The following FBXO15 variants were observed in gnomAD, a reference collection of about 807,000 sequenced individuals.
FBXO15 encodes F-box only protein 15.
A neutral mutation model predicts 49.5 loss-of-function variants in FBXO15; 30 were observed. That is an observed-to-expected ratio of 0.61 (90% CI 0.45 to 0.82). The LOEUF (loss-of-function observed/expected upper bound fraction) is 0.82. Ranked by LOEUF, FBXO15 falls within the 40% of genes least tolerant of loss-of-function variation. The pLI is 0.00. For synonymous variants in FBXO15, 250 were observed against 232.7 expected, an observed-to-expected ratio of 1.07 and a Z score of -0.68; for missense variants, 591 against 631.5, an observed-to-expected ratio of 0.94 and a Z score of 0.69.
At chr18:74,104,291 TTAAC>T (rs1435442497) in intron 8 of FBXO15, among the ~76,000 whole-genome samples, 10 of 151,994 alleles carry the variant, frequency 6.6e-5, no homozygotes, top group Non-Finnish European at 1.2e-4. Flanking sequence ...TATTAATAGA[TTAAC>T]TAAAAATAAA....
intron 3 of FBXO15, among the ~76,000 whole-genome samples, chr18:74,133,628 C>A (rs1376143747): frequency 6.6e-6 from 1 of 152,150 alleles, no homozygotes; most frequent in East Asian, 1.9e-4. Flanking sequence ...GCTGGGTAAT[C>A]TGCAAAGGAA....
At chr18:74,139,613 G>A (rs745791981) in intron 2 of FBXO15, among the ~76,000 whole-genome samples, 2 of 152,204 alleles carry the variant, frequency 1.3e-5, no homozygotes, top group African/African-American at 2.4e-5. Context: ...TGCAGACTAC[G>A]TGGGCCTAGC....
intron 8 of FBXO15, among the ~76,000 whole-genome samples, chr18:74,108,263 A>T (rs1400989083): frequency 6.6e-6 from 1 of 152,200 alleles, no homozygotes; most frequent in East Asian, 1.9e-4. Context: ...ACTATGATTA[A>T]CAGACTAAGG....
chr18:74,128,878 A>G (rs1395010453), intron 5 of FBXO15, among the ~76,000 whole-genome samples: 1 of 152,236 alleles, frequency 6.6e-6, no homozygotes, highest in Non-Finnish European at 1.5e-5. Flanking sequence ...GATCTTATTC[A>G]TTGCAGTCAT....
At chr18:74,108,605 A>G (rs143835515) in intron 8 of FBXO15, among the ~76,000 whole-genome samples, 33 of 152,292 alleles carry the variant, frequency 2.2e-4, no homozygotes, top group African/African-American at 7.2e-4. Flanking sequence ...AAATACCATA[A>G]TAAGAAGAAA....
intron 8 of FBXO15, among the ~76,000 whole-genome samples, chr18:74,092,985 C>T (rs1402331975): frequency 6.6e-6 from 1 of 152,134 alleles, no homozygotes; most frequent in Non-Finnish European, 1.5e-5. Context: ...ACATTCACAC[C>T]CACAGCTGTG....
intron 6 of FBXO15, 78 bp from the exon 7 acceptor site, chr18:74,124,649 G>A (rs1914625228): frequency 2.4e-6 from 3 of 1,260,960 alleles, no homozygotes; most frequent in South Asian, 1.2e-5. Flanking sequence ...GAAGATCACA[G>A]CACATTCATC....
intron 2 of FBXO15, among the ~76,000 whole-genome samples, 186 bp from the exon 3 acceptor site, chr18:74,136,052 A>T (rs1978702393): frequency 6.6e-6 from 1 of 152,204 alleles, no homozygotes; most frequent in Admixed American, 6.5e-5. Context: ...TGGTTATTCT[A>T]ATTCTCATGA....
At chr18:74,139,755 A>C (rs1276457495) in intron 2 of FBXO15, among the ~76,000 whole-genome samples, 1 of 152,248 alleles carries the variant, frequency 6.6e-6, no homozygotes, top group Non-Finnish European at 1.5e-5. Flanking sequence ...TCAATTAAAC[A>C]TAATAATTTT....
chr18:74,102,712 C>T (rs1913577753), intron 8 of FBXO15, among the ~76,000 whole-genome samples: 1 of 152,160 alleles, frequency 6.6e-6, no homozygotes, highest in Admixed American at 6.5e-5. Flanking sequence ...CACAAATGCC[C>T]ATCAATCAAC....
In FBXO15 at chr18:74,135,769, T is replaced by C; in HGVS notation, c.325A>G (p.Asn109Asp). 6.2e-7 allele frequency: 1 copy of C among 1,600,740 alleles called. No individual in the cohort carries two copies. The highest frequency in any genetic ancestry group is 8.5e-7 in the Non-Finnish European group (1 of 1,176,408). ...ACTTGGATTTCTGCTTACTTGTCAT[T>C]GGCTAGATGATAAAAGCGCCTGCTC... ...CVSRRFYHLA[N>D]DNFIWIGIYS... Residue 109 changes from asparagine (N) to aspartate (D), a missense_variant, in exon 3 of 10, where the codon AAT (asparagine) becomes GAT (aspartate). Asn to Asp is a conservative substitution (Grantham distance 23, BLOSUM62 1). Transcript: ENST00000419743.
At chr18:74,119,902 C>T (rs1035144887) in intron 8 of FBXO15, among the ~76,000 whole-genome samples, 2 of 152,122 alleles carry the variant, frequency 1.3e-5, no homozygotes, top group African/African-American at 2.4e-5. Context: ...ACCAGGCAGC[C>T]ATCTCACCTC....
chr18:74,074,761 G>T lies in FBXO15; in HGVS notation c.1264-1031C>A, dbSNP rs964143955. The stretch of plus-strand genomic sequence containing the variant: ...TAAGCATAAACGTCATTTCATGAAC[G>T]CTGCTTTCATTGCACATGAATGTGT... On this transcript the variant is annotated intron_variant, in intron 9 of 9. Coordinates refer to ENST00000419743, the MANE Select transcript of FBXO15 (RefSeq NM_001142958.2). The surrounding 1 kb of genome is among the most constrained non-coding windows in gnomAD (Gnocchi z 4.7). 1.3e-5 allele frequency among the ~76,000 whole-genome samples: 2 copies of T among 152,200 alleles called. No homozygotes were observed. The highest frequency in any genetic ancestry group is 3.8e-4 in the East Asian group (2 of 5,196).
chr18:74,127,071 A>G (rs1446906963), intron 5 of FBXO15, among the ~76,000 whole-genome samples: 1 of 152,252 alleles, frequency 6.6e-6, no homozygotes, highest in African/African-American at 2.4e-5. Context: ...TTCAACCTAC[A>G]GTGACTTTGC....
At position 74,147,654 on chromosome 18, in the gene FBXO15, C is replaced by A; in HGVS notation, c.116+16G>T. 1 of 1,400,848 alleles carries A rather than the reference C, an allele frequency of 7.1e-7. No homozygotes were observed. The highest frequency in any genetic ancestry group is 3.2e-5 in the Admixed American group (1 of 31,336). The allele number at this position is 1,400,848 out of a possible 1,614,324, so 86.8% of individuals were successfully genotyped here. On this transcript the variant is annotated intron_variant, in intron 1 of 9. Coordinates refer to ENST00000419743, the MANE Select transcript of FBXO15 (RefSeq NM_001142958.2). ...GCTTCCCGCCAGGGGACCCCACCCG[C>A]AGGCCCTACAGTCACCTGCACCCAA...
At chr18:74,124,627 C>T in intron 6 of FBXO15, 56 bp from the exon 7 acceptor site, 1 of 1,469,294 alleles carries the variant, frequency 6.8e-7, no homozygotes, top group Non-Finnish European at 9.5e-7. Context: ...ACATTTTTCA[C>T]AAGATCATTG....
At chr18:74,107,552 C>T (rs1317766373) in intron 8 of FBXO15, among the ~76,000 whole-genome samples, 1 of 152,056 alleles carries the variant, frequency 6.6e-6, no homozygotes, top group Middle Eastern at 3.2e-3. Context: ...TACAGAGACG[C>T]GTAGCTCTAT....
chr18:74,127,304 C>T (rs1568176303), intron 5 of FBXO15, among the ~76,000 whole-genome samples: 1 of 152,248 alleles, frequency 6.6e-6, no homozygotes, highest in Non-Finnish European at 1.5e-5. Context: ...TCCTCATGTG[C>T]TTGGCCTTAC....
At chr18:74,140,538 G>A (rs1236547703) in intron 1 of FBXO15, among the ~76,000 whole-genome samples, 1 of 151,538 alleles carries the variant, frequency 6.6e-6, no homozygotes, top group Non-Finnish European at 1.5e-5. Context: ...AAGCAAGGAA[G>A]AAAGGCAGGG....
Sources: allele counts gnomAD v4.1 joint callset (sites outside exome capture counted in the v4.1 genomes callset), GRCh38; gene constraint gnomAD v4.1.1; non-coding constraint Gnocchi (gnomAD v3.1); transcripts MANE v1.5; gene names NCBI Gene and HGNC (gene_info 2026-07-23, HGNC 2026-07-21).